SPATS2: variants seen among roughly 807,000 people sequenced by gnomAD.
SPATS2 encodes spermatogenesis-associated serine-rich protein 2.
SPATS2 carries 38 observed loss-of-function variants against 63.7 expected under a neutral mutation model. That is an observed-to-expected ratio of 0.60 (90% CI 0.46 to 0.78). SPATS2 has a LOEUF of 0.78. SPATS2 is among the 30% of genes least tolerant of loss of function. The pLI is 0.00. For missense variants in SPATS2, 588 were observed against 666.2 expected (o/e 0.88, Z 1.29); for synonymous variants, 207 against 232.9 (o/e 0.89, Z 1.01).
intron 2 of SPATS2, among the ~76,000 whole-genome samples, chr12:49,414,683 CA>C (rs201837291): frequency 0.015 from 2,276 of 152,146 alleles, 34 homozygotes; most frequent in Non-Finnish European, 0.023. Flanking sequence ...TAGCTCACTG[CA>C]GCCTTGAACT....
chr12:49,465,410 T>C (rs923314441), intron 3 of SPATS2, among the ~76,000 whole-genome samples: 2 of 152,146 alleles, frequency 1.3e-5, no homozygotes, highest in African/African-American at 4.8e-5. Flanking sequence ...TGTGTAATGG[T>C]ATCTCATTGT....
intron 9 of SPATS2, among the ~76,000 whole-genome samples, chr12:49,513,309 A>G (rs1946783867): frequency 6.6e-6 from 1 of 152,200 alleles, no homozygotes; most frequent in Non-Finnish European, 1.5e-5. Context: ...CTTCAAAAGG[A>G]GAAATCAGAA....
chr12:49,462,162 CTG>C (rs1945831939), intron 3 of SPATS2: 1 of 599,632 alleles, frequency 1.7e-6, no homozygotes, highest in African/African-American at 1.9e-5. Flanking sequence ...TATTTCATGT[CTG>C]TGTTTTGCCA....
Position 49,407,568 on chromosome 12 carries a change from A to G in SPATS2, c.-244+36278A>G, listed in dbSNP as rs554489342. ...TTACCTCTCCTAGAATGCTTTTCCT[A>G]TGCAGGTAGCATGGCTTTTCCTCTT... is the stretch of plus-strand genomic sequence containing the variant. On this transcript the variant is annotated intron_variant, in intron 2 of 13. Coordinates refer to ENST00000552918, the MANE Select transcript of SPATS2 (RefSeq NM_023071.4). Among the ~76,000 whole-genome samples the G allele has an allele frequency of 2.8e-4, 43 of 152,220 alleles. 1 individual carries two copies. The South Asian group carries it at 8.9e-3, about 32-fold the overall frequency.
In SPATS2 at chr12:49,526,363, C is replaced by T. The variant is rs1947036409; in HGVS notation, c.*108C>T. 3.8e-6 allele frequency: 5 copies of T among 1,303,714 alleles called. No individual in the cohort carries two copies. The South Asian group carries it at 8.0e-5, about 21-fold the overall frequency. 80.8% of individuals were successfully genotyped at this position (1,303,714 alleles called of 1,614,324 possible). A position where few individuals can be genotyped will look rare whatever the true frequency, so the allele number is the denominator to read the frequency against. On this transcript the variant is annotated 3_prime_UTR_variant, in exon 14 of 14. Transcript: ENST00000552918. ...ATAACAAAAAGAAGTTTATGCGTAT[C>T]ACTTTTTGTGCCATTCTAAGTATTT...
In SPATS2 at chr12:49,524,632, A is replaced by G. The variant is rs1479230381; in HGVS notation, c.1112-50A>G. On this transcript the variant is annotated intron_variant, in intron 12 of 13. Coordinates refer to ENST00000552918, the MANE Select transcript of SPATS2 (RefSeq NM_023071.4). ...AATTGAGAAAGTAGAAACCTTATCC[A>G]TTGTGCTGTTCTATCATATGATCAT... 4.5e-6 allele frequency: 7 copies of G among 1,570,658 alleles called. No individual in the cohort carries two copies. The East Asian group carries it at 1.1e-4, about 25-fold the overall frequency.
chr12:49,436,138 G>A (rs1475903778), intron 2 of SPATS2, among the ~76,000 whole-genome samples: 5 of 151,770 alleles, frequency 3.3e-5, no homozygotes, highest in Non-Finnish European at 7.4e-5. Context: ...ATCATGGCCC[G>A]TTCTCAATGA....
chr12:49,512,563 T>C (rs1043757298), intron 9 of SPATS2, among the ~76,000 whole-genome samples: 2 of 151,996 alleles, frequency 1.3e-5, no homozygotes, highest in African/African-American at 4.8e-5. Context: ...GAAAAAAAAA[T>C]GCTATCAGAA....
chr12:49,486,452 G>A (rs1048130308), intron 4 of SPATS2: 1 of 266,044 alleles, frequency 3.8e-6, no homozygotes, highest in Non-Finnish European at 7.5e-6. Flanking sequence ...ACCCACCTCG[G>A]CCTCCCAAAG....
rs1038257613 is a variant in SPATS2, at chr12:49,509,628, G to A, written c.840-4927G>A. On this transcript the variant is annotated intron_variant, in intron 9 of 13. Coordinates refer to ENST00000552918, the MANE Select transcript of SPATS2 (RefSeq NM_023071.4). ...GGTCAGGAGTTCAAGACCAGCCTTG[G>A]CAACATGGTGAAACCTGTCTCTACT... Among the ~76,000 whole-genome samples the A allele has an allele frequency of 2.6e-5, 4 of 151,886 alleles. No homozygotes were observed. In the East Asian group the frequency reaches 7.8e-4, roughly 30 times the overall value.
chr12:49,469,475 A>C (rs936413460), intron 3 of SPATS2: 8 of 382,052 alleles, frequency 2.1e-5, no homozygotes, highest in African/African-American at 1.9e-4. Context: ...CAGGGGAATC[A>C]CTCAAGCCTG....
At chr12:49,413,933 G>GGC (rs1196270879) in intron 2 of SPATS2, among the ~76,000 whole-genome samples, 2 of 152,166 alleles carry the variant, frequency 1.3e-5, no homozygotes, top group African/African-American at 4.8e-5. Flanking sequence ...AATCCAAGCA[G>GGC]GCATGTATTA....
chr12:49,396,663 G>A (rs1944517495), intron 2 of SPATS2, among the ~76,000 whole-genome samples: 1 of 152,170 alleles, frequency 6.6e-6, no homozygotes, highest in Admixed American at 6.5e-5. Flanking sequence ...GTTTCTTCCA[G>A]GTAACTTTTT....
chr12:49,379,707 C>T (rs558411617), intron 2 of SPATS2, among the ~76,000 whole-genome samples: 8 of 148,614 alleles, frequency 5.4e-5, no homozygotes, highest in African/African-American at 2.0e-4. Context: ...ACTGCAACCT[C>T]TGCCTCCTGG....
chr12:49,525,001 C>T (rs1947009010), intron 13 of SPATS2, 105 bp downstream of exon 13: 2 of 1,152,420 alleles, frequency 1.7e-6, no homozygotes, highest in Non-Finnish European at 2.4e-6. Context: ...ATTCCCATTC[C>T]ATGCCTGTTT....
chr12:49,452,718 A>G (rs1341799292), intron 2 of SPATS2, among the ~76,000 whole-genome samples: 1 of 148,752 alleles, frequency 6.7e-6, no homozygotes, highest in Non-Finnish European at 1.5e-5. Flanking sequence ...TTATTTTCCA[A>G]ATTTATTTGT....
chr12:49,395,004 C>T (rs966052138), intron 2 of SPATS2, among the ~76,000 whole-genome samples: 13 of 151,420 alleles, frequency 8.6e-5, no homozygotes, highest in African/African-American at 2.4e-4. Context: ...ACCCAGGAGG[C>T]GGAGGTTGCA....
intron 2 of SPATS2, among the ~76,000 whole-genome samples, chr12:49,372,986 G>A (rs1944027763): frequency 1.4e-5 from 2 of 144,970 alleles, no homozygotes; most frequent in African/African-American, 5.2e-5. Context: ...GTGTGTGTGT[G>A]TGTGTGATGG....
At chr12:49,512,847 T>C (rs1389268630) in intron 9 of SPATS2, 1 of 1,288,096 alleles carries the variant, frequency 7.8e-7, no homozygotes, top group African/African-American at 1.5e-5. Flanking sequence ...GTTGTGCTTT[T>C]GTTTTGTCTT....
Sources: gnomAD v4.1 joint callset for allele counts (sites outside exome capture counted in the v4.1 genomes callset) on GRCh38, gnomAD v4.1.1 for gene constraint, MANE v1.5 for transcripts, NCBI Gene and HGNC (gene_info 2026-07-23, HGNC 2026-07-21) for gene names.